The following LCE1E variants were observed in gnomAD, a reference collection of about 807,000 sequenced individuals.
LCE1E encodes the protein late cornified envelope 1E, also known as late cornified envelope protein 1E.
For synonymous variants in LCE1E, 61 were observed against 55.0 expected (o/e 1.11, Z -0.48); for missense variants, 144 against 144.3 (o/e 1.00, Z 0.01).
Position 152,788,112 on chromosome 1 carries a change from A to G in LCE1E, c.*456A>G, listed in dbSNP as rs1233941131. 1 of 155,074 alleles carries G rather than the reference A, an allele frequency of 6.4e-6. No individual in the cohort carries two copies. Among genetic ancestry groups the G allele is most frequent in the East Asian group, 1.9e-4 (1 of 5,362 alleles). 9.6% of individuals were successfully genotyped at this position (155,074 alleles called of 1,614,324 possible). On this transcript the variant is annotated 3_prime_UTR_variant, in exon 2 of 2. Transcript: ENST00000368770. ...TTTCCTTTTAAACCAAGGGACTGAA[A>G]TAGCATTGAGAAATATTTTTCTTTC... is the stretch of plus-strand genomic sequence containing the variant.
Position 152,787,296 on chromosome 1 carries a change from C to T in LCE1E, c.-4C>T, listed in dbSNP as rs770818606. The T allele has an allele frequency of 1.9e-5, 31 of 1,613,834 alleles. No individual in the cohort carries two copies. Among genetic ancestry groups the T allele is most frequent in the Middle Eastern group, 1.6e-4 (1 of 6,080 alleles). On this transcript the variant is annotated 5_prime_UTR_variant, in exon 2 of 2. Transcript: ENST00000368770. ...CCCTCAGCTCCTAAGTACCTACTGC[C>T]GAGATGTCCTGCCAGCAGAGCCAGC...
Position 152,788,241 on chromosome 1 carries a change from G to T in LCE1E, c.*585G>T, listed in dbSNP as rs1651906782. ...TCACCTCTTCATTCTTGTGTTCCTC[G>T]TTCCCCACTCCTTCCACTAACAATC... On this transcript the variant is annotated 3_prime_UTR_variant, in exon 2 of 2. Coordinates refer to ENST00000368770, the MANE Select transcript of LCE1E (RefSeq NM_178353.2). 1 of 148,852 alleles carries T rather than the reference G, an allele frequency of 6.7e-6. No homozygotes were observed. Among genetic ancestry groups the T allele is most frequent in the Non-Finnish European group, 1.7e-5 (1 of 59,310 alleles). The allele number at this position is 148,852 out of a possible 1,614,324, so 9.2% of individuals were successfully genotyped here.
In LCE1E at chr1:152,787,497, C is replaced by T. The variant is rs546092128; in HGVS notation, c.198C>T (p.Gly66=). Residue 66 remains glycine (G), a synonymous_variant, in exon 2 of 2, where the codon GGC becomes GGT. Transcript: ENST00000368770. The part of the protein sequence containing the change: ...SGGSCGSSSG[G]CCSSGGGGCC... ...GCAGCTGTGGCTCCAGCTCTGGGGG[C>T]TGCTGCAGCTCTGGGGGAGGTGGCT... 2 of 1,612,240 alleles carry T rather than the reference C, an allele frequency of 1.2e-6. No individual in the cohort carries two copies. Among genetic ancestry groups the T allele is most frequent in the Admixed American group, 1.7e-5 (1 of 59,854 alleles).
At chr1:152,787,179 T>G in intron 1 of LCE1E, 99 bp from the exon 2 acceptor site, 1 of 1,121,852 alleles carries the variant, frequency 8.9e-7, no homozygotes, top group Non-Finnish European at 1.3e-6. Context: ...GTGAAACTAC[T>G]GGACATGATG....
At position 152,787,453 on chromosome 1, in the gene LCE1E, T is replaced by C; in HGVS notation, c.154T>C (p.Cys52Arg). The change falls in exon 2 of 2, where the codon TGT (cysteine) becomes CGT (arginine). Residue 52 changes from cysteine to arginine, a missense_variant. Transcript: ENST00000368770. ...CTGCAGTGTCAGCTCCGGAGGCTGC[T>C]GTGGCTCCAGCTCTGGGGGCAGCTG... ...SCCSVSSGGC[C>R]GSSSGGSCGS... 6.2e-7 allele frequency: 1 copy of C among 1,613,522 alleles called. No individual in the cohort carries two copies. Among genetic ancestry groups the C allele is most frequent in the Non-Finnish European group, 8.5e-7 (1 of 1,179,860 alleles).
rs1162119218 is a variant in LCE1E, at chr1:152,787,936, C to T, written c.*280C>T. 7.0e-6 allele frequency: 3 copies of T among 425,804 alleles called. No homozygotes were observed. In the East Asian group the frequency reaches 1.0e-4, roughly 14 times the overall value. The allele number at this position is 425,804 out of a possible 1,614,324, so 26.4% of individuals were successfully genotyped here. A position where few individuals can be genotyped will look rare whatever the true frequency, so the allele number is the denominator to read the frequency against. On this transcript the variant is annotated 3_prime_UTR_variant, in exon 2 of 2. Coordinates refer to ENST00000368770, the MANE Select transcript of LCE1E (RefSeq NM_178353.2). ...ATCTGCCCCCCAACTTGCTACCAGC[C>T]TGCTTGATTTTCCTGTTTGTGTCAT...
Position 152,787,725 on chromosome 1 carries a change from A to G in LCE1E, c.*69A>G. On this transcript the variant is annotated 3_prime_UTR_variant, in exon 2 of 2. Transcript: ENST00000368770. ...CTGAGAGGTTCCAGCAAAAGCTTGA[A>G]GTCTTGCCTGGAGAATCCCTCTGCT... The G allele has an allele frequency of 6.7e-7, 1 of 1,495,006 alleles. No individual in the cohort carries two copies. The highest frequency in any genetic ancestry group is 9.0e-7 in the Non-Finnish European group (1 of 1,117,100). The allele number at this position is 1,495,006 out of a possible 1,614,324, so 92.6% of individuals were successfully genotyped here.
chr1:152,787,449 C>T lies in LCE1E; in HGVS notation c.150C>T (p.Gly50=), dbSNP rs1284390019. 6.2e-7 allele frequency: 1 copy of T among 1,614,086 alleles called. No homozygotes were observed. The highest frequency in any genetic ancestry group is 8.5e-7 in the Non-Finnish European group (1 of 1,180,014). ...CCTGCTGCAGTGTCAGCTCCGGAGG[C>T]TGCTGTGGCTCCAGCTCTGGGGGCA... ...VSSCCSVSSG[G]CCGSSSGGSC... is the part of the protein sequence containing the mutation. Residue 50 remains glycine, a synonymous_variant, in exon 2 of 2, where the codon GGC becomes GGT. Transcript: ENST00000368770.
Position 152,788,160 on chromosome 1 carries a change from T to C in LCE1E, c.*504T>C, listed in dbSNP as rs1393588444. Reference sequence around the variant, plus strand: ...TTCAAATTCTGGTTCCTTTCACCTATGTAACCGCATCCCTCAGGCATGGCC... The same window carrying C: ...TTCAAATTCTGGTTCCTTTCACCTACGTAACCGCATCCCTCAGGCATGGCC... On this transcript the variant is annotated 3_prime_UTR_variant, in exon 2 of 2. Transcript: ENST00000368770. The C allele has an allele frequency of 1.3e-5, 2 of 152,176 alleles. 1 individual carries two copies. The highest frequency in any genetic ancestry group is 3.3e-5 in the Non-Finnish European group (2 of 60,576). The allele number at this position is 152,176 out of a possible 1,614,324, so 9.4% of individuals were successfully genotyped here.
Position 152,787,663 on chromosome 1 carries a change from C to T in LCE1E, c.*7C>T. On this transcript the variant is annotated 3_prime_UTR_variant, in exon 2 of 2. Transcript: ENST00000368770. ...CTCTGGAGGCTGCTGCTGAAGTGGA[C>T]CTTGACTTCCTCTTCCTTCTGATTC... is the stretch of plus-strand genomic sequence containing the variant. The T allele has an allele frequency of 6.5e-7, 1 of 1,545,632 alleles. No homozygotes were observed. Among genetic ancestry groups the T allele is most frequent in the South Asian group, 1.3e-5 (1 of 79,340 alleles).
In LCE1E at chr1:152,787,279, T is replaced by A. The variant is rs1651872717; in HGVS notation, c.-21T>A. The A allele has an allele frequency of 6.2e-7, 1 of 1,613,448 alleles. No individual in the cohort carries two copies. Among genetic ancestry groups the A allele is most frequent in the Middle Eastern group, 1.7e-4 (1 of 6,042 alleles). On this transcript the variant is annotated splice_region_variant and 5_prime_UTR_variant, in exon 2 of 2. Coordinates refer to ENST00000368770, the MANE Select transcript of LCE1E (RefSeq NM_178353.2). ...ATTTTCTGTCTGACTCTCCCTCAGC[T>A]CCTAAGTACCTACTGCCGAGATGTC...
chr1:152,787,153 G>T, intron 1 of LCE1E, 125 bp from the exon 2 acceptor site: 1 of 920,366 alleles, frequency 1.1e-6, no homozygotes, highest in South Asian at 1.6e-5. Context: ...GAGAGAATTT[G>T]GGGAAAGTAT....
chr1:152,787,513 G>T lies in LCE1E; in HGVS notation c.214G>T (p.Gly72Ter). The change falls in exon 2 of 2, where the codon GGA becomes TGA. Residue 72 changes from glycine to a stop codon, truncating the protein, a stop_gained. Transcript: ENST00000368770. LOFTEE classifies it high-confidence loss of function. Reference protein sequence around the residue: ...SSSGGCCSSGGGGCCLSHHRH... With the variant: ...SSSGGCCSSG ...CTCTGGGGGCTGCTGCAGCTCTGGG[G>T]GAGGTGGCTGCTGCCTGAGCCACCA... The T allele has an allele frequency of 6.2e-7, 1 of 1,613,930 alleles. No homozygotes were observed. Among genetic ancestry groups the T allele is most frequent in the Non-Finnish European group, 8.5e-7 (1 of 1,180,028 alleles).
At chr1:152,787,248 G>C in intron 1 of LCE1E, 30 bp from the exon 2 acceptor site, 1 of 1,603,706 alleles carries the variant, frequency 6.2e-7, no homozygotes. Context: ...CCTCTGCCTA[G>C]GTCTGATTTT....
chr1:152,787,217 G>A (rs1651871668), intron 1 of LCE1E, 61 bp from the exon 2 acceptor site: 1 of 1,429,464 alleles, frequency 7.0e-7, no homozygotes, highest in Non-Finnish European at 9.8e-7. Context: ...CATGCTAAGA[G>A]TGTCAGAGGG....
In LCE1E at chr1:152,787,518, T is replaced by A. The variant is rs562188321; in HGVS notation, c.219T>A (p.Gly73=). ...GGGGCTGCTGCAGCTCTGGGGGAGG[T>A]GGCTGCTGCCTGAGCCACCACAGGC... ...SSGGCCSSGG[G]GCCLSHHRHH... The change falls in exon 2 of 2, where the codon GGT becomes GGA. Residue 73 remains glycine (G), a synonymous_variant. Transcript: ENST00000368770. 2 of 1,613,322 alleles carry A rather than the reference T, an allele frequency of 1.2e-6. No individual in the cohort carries two copies. The highest frequency in any genetic ancestry group is 2.2e-5 in the East Asian group (1 of 44,796).
Position 152,787,261 on chromosome 1 carries a change from G to T in LCE1E, c.-22-17G>T. On this transcript the variant is annotated splice_polypyrimidine_tract_variant and intron_variant, in intron 1 of 1. Transcript: ENST00000368770. Reference sequence around the variant, plus strand: ...GGCCTCTGCCTAGGTCTGATTTTCTGTCTGACTCTCCCTCAGCTCCTAAGT... The same window carrying T: ...GGCCTCTGCCTAGGTCTGATTTTCTTTCTGACTCTCCCTCAGCTCCTAAGT... 3 of 1,610,966 alleles carry T rather than the reference G, an allele frequency of 1.9e-6. No homozygotes were observed. Among genetic ancestry groups the T allele is most frequent in the Non-Finnish European group, 2.5e-6 (3 of 1,177,702 alleles).
intron 1 of LCE1E, among the ~76,000 whole-genome samples, chr1:152,786,701 C>T (rs1651858132): frequency 1.3e-5 from 2 of 152,094 alleles, no homozygotes; most frequent in South Asian, 4.2e-4. Flanking sequence ...TAGGACACAC[C>T]AAACCTGAGA....
chr1:152,787,162 A>G (rs1233112241), intron 1 of LCE1E, 116 bp from the exon 2 acceptor site: 8 of 977,430 alleles, frequency 8.2e-6, no homozygotes, highest in Non-Finnish European at 1.1e-5. Context: ...TGGGGAAAGT[A>G]TTGGAAGTGA....
Sources: gnomAD v4.1 joint callset for allele counts (sites outside exome capture counted in the v4.1 genomes callset) on GRCh38, gnomAD v4.1.1 for gene constraint, MANE v1.5 for transcripts, NCBI Gene and HGNC (gene_info 2026-07-23, HGNC 2026-07-21) for gene names.